USP43: variants seen among roughly 807,000 people sequenced by gnomAD.
The protein encoded by USP43 is ubiquitin carboxyl-terminal hydrolase 43.
Under a neutral mutation model 90.7 loss-of-function variants are expected in USP43, and 33 were observed. The ratio of observed to expected loss-of-function variants is 0.36; its 90% confidence interval spans 0.28 to 0.49. The LOEUF is 0.49. USP43 is among the 20% of genes least tolerant of loss of function. The probability of loss-of-function intolerance (pLI) is 0.98; values close to 1 mark genes in which losing one functional copy is unlikely to be tolerated. For synonymous variants in USP43, 598 were observed against 615.8 expected, an observed-to-expected ratio of 0.97 and a Z score of 0.43; for missense variants, 1,274 against 1,476.4, an observed-to-expected ratio of 0.86 and a Z score of 2.25.
chr17:9,651,069 C>T (rs1911825825), intron 1 of USP43, among the ~76,000 whole-genome samples: 1 of 152,078 alleles, frequency 6.6e-6, no homozygotes, highest in Non-Finnish European at 1.5e-5. Flanking sequence ...TCTAAACTTG[C>T]AAAAATAGTT....
Position 9,728,629 on chromosome 17 carries a change from G to A in USP43, c.3011G>A (p.Arg1004Gln), listed in dbSNP as rs1567689580. The change falls in exon 15 of 15, where the codon CGG becomes CAG. Residue 1004 changes from arginine (R) to glutamine (Q), a missense_variant. Around this residue, in one of 6 missense-constraint regions of USP43, gnomAD observed 353 missense variants for 329.7 expected, o/e 1.07. Transcript: ENST00000285199. This position sits in a 1 kb window ranked among gnomAD's most constrained non-coding sequence, Gnocchi z 6.2. Reference protein sequence around the residue: ...GTLTLLRSVFRKKENRRNERA... With the variant: ...GTLTLLRSVFQKKENRRNERA... ...CTCACCCTTCTGAGGTCCGTGTTTCGGAAGAAGGAGAACAGGAGGAATGAG... is the reference window on the plus strand; with the variant it reads ...CTCACCCTTCTGAGGTCCGTGTTTCAGAAGAAGGAGAACAGGAGGAATGAG... The A allele has an allele frequency of 8.7e-6, 14 of 1,613,734 alleles. No homozygotes were observed. The highest frequency in any genetic ancestry group is 3.3e-5 in the South Asian group (3 of 91,026).
intron 14 of USP43, among the ~76,000 whole-genome samples, chr17:9,718,695 C>A (rs1916750422): frequency 6.7e-6 from 1 of 148,916 alleles, no homozygotes; most frequent in Non-Finnish European, 1.5e-5. Context: ...ACAAAATTAG[C>A]CGGGCATGGT....
chr17:9,726,058 G>GA (rs1163931046), intron 14 of USP43, among the ~76,000 whole-genome samples: 4 of 152,126 alleles, frequency 2.6e-5, no homozygotes, highest in Non-Finnish European at 4.4e-5. Flanking sequence ...TTTGAGGAAA[G>GA]AAAAAATCAA....
Position 9,701,239 on chromosome 17 carries a change from G to A in USP43, c.1656G>A (p.Glu552=). ...LDECFQFYTK[E]EQLAQDDAWK... ...AATGTTTTCAGTTCTACACCAAGGA[G>A]GAGCAGGTCCCGCCCTGGGGGTCCA... The change falls in exon 11 of 15, where the codon GAG becomes GAA. Residue 552 remains glutamate, a synonymous_variant. Coordinates refer to ENST00000285199, the MANE Select transcript of USP43 (RefSeq NM_153210.5). This position sits in a 1 kb window ranked among gnomAD's most constrained non-coding sequence, Gnocchi z 7.2. 1 of 1,606,900 alleles carries A rather than the reference G, an allele frequency of 6.2e-7. No homozygotes were observed. Among genetic ancestry groups the A allele is most frequent in the South Asian group, 1.1e-5 (1 of 89,768 alleles).
At chr17:9,719,441 T>A (rs2151999958) in intron 14 of USP43, among the ~76,000 whole-genome samples, 1 of 152,298 alleles carries the variant, frequency 6.6e-6, no homozygotes, top group South Asian at 2.1e-4. Flanking sequence ...GCAGGCATTT[T>A]ACTCGCATTC....
At chr17:9,706,204 T>C (rs928793030) in intron 12 of USP43, among the ~76,000 whole-genome samples, 1 of 152,226 alleles carries the variant, frequency 6.6e-6, no homozygotes, top group African/African-American at 2.4e-5. Flanking sequence ...CTTTTTCCCA[T>C]CAATTTCTAG....
intron 2 of USP43, among the ~76,000 whole-genome samples, chr17:9,664,872 C>T (rs1912915464): frequency 6.6e-6 from 1 of 152,114 alleles, no homozygotes; most frequent in South Asian, 2.1e-4. Flanking sequence ...CTCCTGACCT[C>T]GTGATCCACC....
At chr17:9,717,892 G>C (rs182808624) in intron 14 of USP43, among the ~76,000 whole-genome samples, 1 of 151,680 alleles carries the variant, frequency 6.6e-6, no homozygotes, top group Non-Finnish European at 1.5e-5. Context: ...CGCCTCCCGG[G>C]TTCAAGCGAT....
intron 9 of USP43, among the ~76,000 whole-genome samples, chr17:9,699,915 A>G (rs1314926095): frequency 6.6e-6 from 1 of 152,200 alleles, no homozygotes; most frequent in Non-Finnish European, 1.5e-5. Context: ...ATTTCCTCAA[A>G]GTAACCCCAA....
intron 7 of USP43, among the ~76,000 whole-genome samples, chr17:9,684,052 G>A (rs7217807): frequency 0.31 from 47,294 of 151,812 alleles, 8,466 homozygotes; most frequent in East Asian, 0.63. Flanking sequence ...CAGGAGAATC[G>A]CTTGAACCCA....
At chr17:9,717,741 G>A (rs977938279) in intron 14 of USP43, among the ~76,000 whole-genome samples, 1 of 151,964 alleles carries the variant, frequency 6.6e-6, no homozygotes, top group African/African-American at 2.4e-5. Flanking sequence ...TCCTGAGCTG[G>A]AATAAGTGGG....
At chr17:9,694,665 C>T (rs929172788) in intron 9 of USP43, among the ~76,000 whole-genome samples, 8 of 151,802 alleles carry the variant, frequency 5.3e-5, no homozygotes, top group African/African-American at 1.9e-4. Flanking sequence ...CTTTGTCTTC[C>T]AGGCTCAAGT....
chr17:9,709,970 T>C lies in USP43; in HGVS notation c.2026T>C (p.Ser676Pro), dbSNP rs761108614. The change falls in exon 13 of 15, where the codon TCT becomes CCT. Residue 676 changes from serine (S) to proline (P), a missense_variant. Physicochemically the swap from Ser to Pro is moderately conservative, Grantham distance 74 (BLOSUM62 -1). This residue lies in a region of USP43 where 285 missense variants were observed against 349.6 expected (regional missense o/e 0.82). Coordinates refer to ENST00000285199, the MANE Select transcript of USP43 (RefSeq NM_153210.5). This position sits in a 1 kb window ranked among gnomAD's most constrained non-coding sequence, Gnocchi z 5.0. ...GGHYTAYCRN[S>P]LDGQWYSYDD... ...GACCTTTGCAGCCTACTGCCGGAAC[T>C]CTCTGGATGGCCAGTGGTACAGTTA... 6.7e-7 allele frequency: 1 copy of C among 1,482,944 alleles called. No homozygotes were observed. The highest frequency in any genetic ancestry group is 9.0e-7 in the Non-Finnish European group (1 of 1,113,556). The allele number at this position is 1,482,944 out of a possible 1,614,324, so 91.9% of individuals were successfully genotyped here.
At chr17:9,653,562 G>T (rs1912022253) in intron 1 of USP43, among the ~76,000 whole-genome samples, 1 of 151,626 alleles carries the variant, frequency 6.6e-6, no homozygotes, top group Admixed American at 6.6e-5. Context: ...CACTCCAGCT[G>T]GGCAACAAGA....
chr17:9,682,023 C>G lies in USP43; in HGVS notation c.1106-800C>G, dbSNP rs1235609134. Reference sequence around the variant, plus strand: ...AACAAGTTCTCCTTTCAAATTCAATCATGGTGGACACATCTTTTCCTTGAA... The same window carrying G: ...AACAAGTTCTCCTTTCAAATTCAATGATGGTGGACACATCTTTTCCTTGAA... On this transcript the variant is annotated intron_variant, in intron 6 of 14. Coordinates refer to ENST00000285199, the MANE Select transcript of USP43 (RefSeq NM_153210.5). 2.6e-5 allele frequency among the ~76,000 whole-genome samples: 4 copies of G among 152,130 alleles called. No individual in the cohort carries two copies. The East Asian group carries it at 7.7e-4, about 29-fold the overall frequency.
At chr17:9,648,621 T>A (rs1230591064) in intron 1 of USP43, among the ~76,000 whole-genome samples, 1 of 151,646 alleles carries the variant, frequency 6.6e-6, no homozygotes, top group Non-Finnish European at 1.5e-5. Flanking sequence ...AACCGCTGAG[T>A]TGAATTTTGA....
rs1191669077 is a variant in USP43 at position 9,681,385 on chromosome 17, TATAATATAG to T, written c.1105+1024_1105+1032del. On this transcript the variant is annotated intron_variant, in intron 6 of 14. Coordinates refer to ENST00000285199, the MANE Select transcript of USP43 (RefSeq NM_153210.5). ...AAATAAATAAATATATATAAATAAA[TATAATATAG>T]ATAAATATGTAATATATTATATAGC... Among the ~76,000 whole-genome samples, 54 of 116,442 alleles carry T rather than the reference TATAATATAG, an allele frequency of 4.6e-4. 1 individual carries two copies. Among genetic ancestry groups the T allele is most frequent in the Non-Finnish European group, 1.0e-4 (6 of 59,304 alleles). The allele number at this position is 116,442 out of a possible 152,430, so 76.4% of individuals were successfully genotyped here. A position where few individuals can be genotyped will look rare whatever the true frequency, so the allele number is the denominator to read the frequency against.
rs181333997 is a variant in USP43, at chr17:9,679,289, A to C, written c.970-942A>C. 1.8e-3 allele frequency among the ~76,000 whole-genome samples: 267 copies of C among 149,962 alleles called. 4 individuals carry two copies. The highest frequency in any genetic ancestry group is 1.6e-3 in the Non-Finnish European group (105 of 67,374). On this transcript the variant is annotated intron_variant, in intron 5 of 14. Transcript: ENST00000285199. ...TGATCATAGCTTGCTGCAGCCTTGA[A>C]CTCCTGGGCTCAAGGGATCCTCCCA...
In USP43 at chr17:9,646,070, G is replaced by A; in HGVS notation, c.438G>A (p.Gln146=). 1 of 1,507,698 alleles carries A rather than the reference G, an allele frequency of 6.6e-7. No homozygotes were observed. The allele number at this position is 1,507,698 out of a possible 1,614,324, so 93.4% of individuals were successfully genotyped here. A position where few individuals can be genotyped will look rare whatever the true frequency, so the allele number is the denominator to read the frequency against. The change falls in exon 1 of 15, where the codon CAG becomes CAA. Residue 146 remains glutamine, a synonymous_variant. Coordinates refer to ENST00000285199, the MANE Select transcript of USP43 (RefSeq NM_153210.5). The stretch of plus-strand genomic sequence containing the variant: ...CGGGCCGCGCCGAGGTCACCGAGCA[G>A]CTGGCGGCGCTGGTGCGCGCGCTCT... ...AAPGRAEVTE[Q]LAALVRALWT...
Sources: gnomAD v4.1 joint callset for allele counts (sites outside exome capture counted in the v4.1 genomes callset) on GRCh38, gnomAD v4.1.1 for gene constraint, gnomAD v4.1.1 regional missense constraint, Gnocchi (gnomAD v3.1) non-coding constraint, MANE v1.5 for transcripts, NCBI Gene and HGNC (gene_info 2026-07-23, HGNC 2026-07-21) for gene names.